The following NPFFR2 variants were observed in gnomAD, a reference collection of about 807,000 sequenced individuals.
NPFFR2 encodes the protein neuropeptide FF receptor 2.
A neutral mutation model predicts 13.1 loss-of-function variants in NPFFR2; 15 were observed. That is an observed-to-expected ratio of 1.15 (90% confidence interval 0.77 to 1.76). The LOEUF is 1.76. Among genes scored for constraint, NPFFR2 ranks in the 40% most tolerant of loss-of-function variants. The pLI, the probability that NPFFR2 is intolerant of heterozygous loss-of-function variation, is 0.00. For missense variants in NPFFR2, 572 were observed against 503.5 expected (o/e 1.14, Z -1.30); for synonymous variants, 190 against 175.7 (o/e 1.08, Z -0.65).
intron 1 of NPFFR2, among the ~76,000 whole-genome samples, chr4:72,115,873 A>T (rs1721699186): frequency 6.6e-6 from 1 of 152,158 alleles, no homozygotes; most frequent in African/African-American, 2.4e-5. Context: ...TGTTGCATTA[A>T]AGTGGTTCTC....
At chr4:72,121,168 T>G (rs1214452453) in intron 1 of NPFFR2, among the ~76,000 whole-genome samples, 1 of 151,728 alleles carries the variant, frequency 6.6e-6, no homozygotes, top group African/African-American at 2.4e-5. Context: ...ATGATCAACT[T>G]AATGAAATAA....
At chr4:72,115,588 A>G (rs558307741) in intron 1 of NPFFR2, among the ~76,000 whole-genome samples, 3 of 152,162 alleles carry the variant, frequency 2.0e-5, no homozygotes, top group East Asian at 1.9e-4. Flanking sequence ...GTTTACCTCA[A>G]ATAACTCCCC....
intron 1 of NPFFR2, among the ~76,000 whole-genome samples, chr4:72,050,691 A>C (rs1322015703): frequency 1.3e-5 from 2 of 151,824 alleles, no homozygotes; most frequent in East Asian, 3.9e-4. Context: ...TATACATGTG[A>C]CATGCTGGTG....
intron 1 of NPFFR2, among the ~76,000 whole-genome samples, chr4:72,084,529 CTT>C (rs1425135087): frequency 1.3e-5 from 2 of 152,150 alleles, no homozygotes. Flanking sequence ...AATAAACTAA[CTT>C]TGGTTTATCA....
chr4:72,087,132 A>C (rs1027404550), intron 1 of NPFFR2, among the ~76,000 whole-genome samples: 3 of 152,032 alleles, frequency 2.0e-5, no homozygotes, highest in African/African-American at 7.2e-5. Flanking sequence ...TGATGTACGT[A>C]TTTTGGTGTG....
chr4:72,148,031 G>T lies in NPFFR2; in HGVS notation c.*219G>T. 1 of 436,616 alleles carries T rather than the reference G, an allele frequency of 2.3e-6. No individual in the cohort carries two copies. Among genetic ancestry groups the T allele is most frequent in the Non-Finnish European group, 4.0e-6 (1 of 248,936 alleles). 27.0% of individuals were successfully genotyped at this position (436,616 alleles called of 1,614,324 possible). A position where few individuals can be genotyped will look rare whatever the true frequency, so the allele number is the denominator to read the frequency against. ...TACGTAGAGTGACTTAGACATGTTT[G>T]CATGAATAAATATATTTCTAGAGAA... On this transcript the variant is annotated 3_prime_UTR_variant, in exon 4 of 4. Transcript: ENST00000308744.
At chr4:72,143,034 G>T (rs1722679038) in intron 3 of NPFFR2, among the ~76,000 whole-genome samples, 1 of 152,156 alleles carries the variant, frequency 6.6e-6, no homozygotes, top group Non-Finnish European at 1.5e-5. Context: ...CACAAAAGAA[G>T]TGAGACCTTC....
At chr4:72,069,710 T>A (rs1720188661) in intron 1 of NPFFR2, among the ~76,000 whole-genome samples, 1 of 152,092 alleles carries the variant, frequency 6.6e-6, no homozygotes, top group South Asian at 2.1e-4. Context: ...AATTAATAAA[T>A]GACAATTAGT....
rs115449323 is a variant in NPFFR2, at chr4:72,067,255, G to A, written c.-8+35055G>A. Among the ~76,000 whole-genome samples, 1,226 of 152,244 alleles carry A rather than the reference G, an allele frequency of 8.1e-3. 8 individuals are homozygous for A. Among genetic ancestry groups the A allele is most frequent in the African/African-American group, 0.017 (704 of 41,534 alleles). On this transcript the variant is annotated intron_variant, in intron 1 of 3. Transcript: ENST00000308744. ...TTCTACCTGGCCCACTTTAGCCACCGCTGAAGTGGCCAGTGAGCACTGTAC... is the reference window on the plus strand; with the variant it reads ...TTCTACCTGGCCCACTTTAGCCACCACTGAAGTGGCCAGTGAGCACTGTAC...
intron 1 of NPFFR2, among the ~76,000 whole-genome samples, chr4:72,101,539 G>A (rs889465716): frequency 8.6e-5 from 13 of 151,498 alleles, no homozygotes; most frequent in Non-Finnish European, 1.8e-4. Context: ...TAATAAAATA[G>A]GGGTCATAAA....
At chr4:72,058,701 A>AT (rs1193018072) in intron 1 of NPFFR2, among the ~76,000 whole-genome samples, 2 of 151,948 alleles carry the variant, frequency 1.3e-5, no homozygotes, top group African/African-American at 2.4e-5. Context: ...TCTAACATGG[A>AT]TTTTTTTGTA....
Position 72,147,325 on chromosome 4 carries a change from AG to A in NPFFR2, c.778del (p.Glu260SerfsTer18). 6.2e-7 allele frequency: 1 copy of A among 1,614,170 alleles called. No homozygotes were observed. On this transcript the variant is annotated frameshift_variant, in exon 4 of 4. Coordinates refer to ENST00000308744, the MANE Select transcript of NPFFR2 (RefSeq NM_004885.3). LOFTEE classifies it low-confidence loss of function (END_TRUNC). ...GTTCCTCACACAGGCAGGAAGAACC[AG>A]GAGCAGTGGCACGTGGTGTCCAGGA... ...AAVPHTGRKN[Q>X]EQWHVVSRKK...
chr4:72,072,756 A>T (rs1210364001), intron 1 of NPFFR2, among the ~76,000 whole-genome samples: 2 of 152,186 alleles, frequency 1.3e-5, no homozygotes, highest in African/African-American at 4.8e-5. Context: ...AAAGATACTC[A>T]AAGTGAGATA....
Position 72,147,029 on chromosome 4 carries a change from G to T in NPFFR2, c.480G>T (p.Ala160=). The T allele has an allele frequency of 6.2e-7, 1 of 1,614,026 alleles. No homozygotes were observed. The highest frequency in any genetic ancestry group is 8.5e-7 in the Non-Finnish European group (1 of 1,179,980). ...AACCAAAGCTCACTATCAAGACAGC[G>T]TTTGTCATTATTATGATCATCTGGG... ...PFKPKLTIKT[A]FVIIMIIWVL... is the part of the protein sequence containing the mutation. The change falls in exon 4 of 4, where the codon GCG becomes GCT. Residue 160 remains alanine (A), a synonymous_variant. Coordinates refer to ENST00000308744, the MANE Select transcript of NPFFR2 (RefSeq NM_004885.3).
chr4:72,099,756 A>G (rs1238345007), intron 1 of NPFFR2, among the ~76,000 whole-genome samples: 2 of 151,924 alleles, frequency 1.3e-5, no homozygotes, highest in Non-Finnish European at 2.9e-5. Context: ...CATCCAAAGC[A>G]TATCAAACCA....
intron 1 of NPFFR2, among the ~76,000 whole-genome samples, chr4:72,055,077 G>T (rs577276546): frequency 6.6e-6 from 1 of 151,860 alleles, no homozygotes; most frequent in Non-Finnish European, 1.5e-5. Flanking sequence ...AAACATCAAT[G>T]AATCTTAAAA....
intron 1 of NPFFR2, among the ~76,000 whole-genome samples, chr4:72,036,873 A>T (rs1252287846): frequency 1.3e-5 from 2 of 152,160 alleles, no homozygotes; most frequent in Non-Finnish European, 2.9e-5. Context: ...CAAGGAAATA[A>T]GGACAAATTT....
intron 1 of NPFFR2, among the ~76,000 whole-genome samples, chr4:72,099,474 A>T (rs1721167371): frequency 1.3e-5 from 2 of 152,172 alleles, no homozygotes; most frequent in African/African-American, 4.8e-5. Context: ...CAAGCATTGC[A>T]CTGGCATCTG....
chr4:72,086,424 G>A (rs11734316), intron 1 of NPFFR2, among the ~76,000 whole-genome samples: 140,713 of 152,006 alleles, frequency 0.93, 65,982 homozygotes, highest in East Asian at 1. Context: ...GTTATTTTCA[G>A]CTATTTTTGC....
Sources: allele counts gnomAD v4.1 joint callset (sites outside exome capture counted in the v4.1 genomes callset), GRCh38; gene constraint gnomAD v4.1.1; transcripts MANE v1.5; gene names NCBI Gene and HGNC (gene_info 2026-07-23, HGNC 2026-07-21).